KLF17: variants seen among roughly 807,000 people sequenced by gnomAD.
KLF17 encodes KLF transcription factor 17, also known as Krueppel-like factor 17.
A neutral mutation model predicts 34.2 loss-of-function variants in KLF17; 31 were observed. That is an observed-to-expected ratio of 0.91 (90% CI 0.68 to 1.22). KLF17 has a LOEUF of 1.22. Among genes scored for constraint, KLF17 ranks in the 50% most tolerant of loss-of-function variants. The pLI, the probability that KLF17 is intolerant of heterozygous loss-of-function variation, is 0.00. For synonymous variants in KLF17, 179 were observed against 186.7 expected, an observed-to-expected ratio of 0.96 and a Z score of 0.34; for missense variants, 478 against 505.2, an observed-to-expected ratio of 0.95 and a Z score of 0.52.
At chr1:44,065,633 C>G in the KLF17 span, among the ~76,000 whole-genome samples, 1 of 152,144 alleles carries the variant, frequency 6.6e-6, no homozygotes, top group Non-Finnish European at 1.5e-5. Flanking sequence ...TGGTCTCGAA[C>G]TTGTGGTCTC....
At chr1:44,046,570 CATCTA>C in the KLF17 span, among the ~76,000 whole-genome samples, 1 of 151,120 alleles carries the variant, frequency 6.6e-6, no homozygotes, top group Non-Finnish European at 1.5e-5. Flanking sequence ...CACACACACT[CATCTA>C]ATCTTCACAA....
At chr1:44,050,953 A>G in the KLF17 span, 1 of 151,866 alleles carries the variant, frequency 6.6e-6, no homozygotes, top group Non-Finnish European at 1.5e-5. Flanking sequence ...CCACCAGCTC[A>G]CTCTTCAATT....
At chr1:44,068,684 A>T in the KLF17 span, among the ~76,000 whole-genome samples, 2 of 152,176 alleles carry the variant, frequency 1.3e-5, no homozygotes, top group Non-Finnish European at 2.9e-5. Flanking sequence ...CCCTCACAGG[A>T]AGCTTTAACC....
the KLF17 span, among the ~76,000 whole-genome samples, chr1:44,070,531 A>T: frequency 7.9e-6 from 1 of 126,816 alleles, no homozygotes; most frequent in Non-Finnish European, 1.7e-5. Context: ...TGATTTCGTT[A>T]TTTTTTATGG....
the KLF17 span, among the ~76,000 whole-genome samples, chr1:44,101,918 G>A: frequency 6.6e-6 from 1 of 152,124 alleles, no homozygotes; most frequent in East Asian, 1.9e-4. Flanking sequence ...GCCAGGCATG[G>A]TGGCATGCAC....
At chr1:44,053,563 A>T in the KLF17 span, among the ~76,000 whole-genome samples, 2 of 152,136 alleles carry the variant, frequency 1.3e-5, no homozygotes, top group African/African-American at 2.4e-5. Context: ...CTACTGCCGG[A>T]GGAAGTAAAC....
upstream of KLF17, chr1:44,114,672 G>A (rs1303149595): frequency 6.6e-6 from 1 of 152,170 alleles, no homozygotes; most frequent in Non-Finnish European, 1.5e-5. Flanking sequence ...TCCACATGCA[G>A]GCTAGAAGGG....
chr1:44,088,784 A>G, the KLF17 span, among the ~76,000 whole-genome samples: 1 of 152,164 alleles, frequency 6.6e-6, no homozygotes, highest in Non-Finnish European at 1.5e-5. Context: ...AGATGAATGC[A>G]CTGTAGGTAA....
the KLF17 span, among the ~76,000 whole-genome samples, chr1:44,077,376 A>G: frequency 6.6e-6 from 1 of 152,144 alleles, no homozygotes; most frequent in African/African-American, 2.4e-5. Flanking sequence ...AAAGAAAAAA[A>G]TGGATTTGTA....
chr1:44,087,527 G>C, the KLF17 span, among the ~76,000 whole-genome samples: 1 of 151,288 alleles, frequency 6.6e-6, no homozygotes, highest in African/African-American at 2.4e-5. Context: ...GCCTCCCAAA[G>C]TGCTGGGATT....
the KLF17 span, among the ~76,000 whole-genome samples, chr1:44,067,361 T>C: frequency 6.6e-6 from 1 of 152,094 alleles, no homozygotes; most frequent in African/African-American, 2.4e-5. Context: ...TTTGAGACAA[T>C]GTATTGTGGT....
chr1:44,135,091 T>C lies in KLF17; in HGVS notation c.*1854T>C, dbSNP rs533000395. On this transcript the variant is annotated 3_prime_UTR_variant, in exon 4 of 4. Coordinates refer to ENST00000372299, the MANE Select transcript of KLF17 (RefSeq NM_173484.4). ...CTTAGGATAACTTGAGGCCAGGAGT[T>C]TGAGACCAGTGTGACCTTGTCTCTG... is the stretch of plus-strand genomic sequence containing the variant. 2.6e-5 allele frequency: 4 copies of C among 152,268 alleles called. No homozygotes were observed. The highest frequency in any genetic ancestry group is 9.6e-5 in the African/African-American group (4 of 41,552). 9.4% of individuals were successfully genotyped at this position (152,268 alleles called of 1,614,324 possible). A position where few individuals can be genotyped will look rare whatever the true frequency, so the allele number is the denominator to read the frequency against.
the KLF17 span, among the ~76,000 whole-genome samples, chr1:44,078,435 T>C: frequency 1.0e-5 from 1 of 96,882 alleles, no homozygotes; most frequent in African/African-American, 3.8e-5. Context: ...CTTTTCCTTC[T>C]TCTTTTTTTT....
the KLF17 span, chr1:44,075,059 A>C: frequency 2.0e-5 from 3 of 152,020 alleles, no homozygotes; most frequent in African/African-American, 7.2e-5. Flanking sequence ...TGAGAGGCTG[A>C]GGCAGGCAGA....
Position 44,129,455 on chromosome 1 carries a change from C to T in KLF17, c.184C>T (p.Pro62Ser), listed in dbSNP as rs1412280550. Reference protein sequence around the residue: ...NQGLPSIQHFPHSAEMLGSPL... With the variant: ...NQGLPSIQHFSHSAEMLGSPL... ...AGGCCTACCAAGCATTCAGCACTTT[C>T]CTCACAGCGCAGAGATGCTGGGGTC... The change falls in exon 2 of 4, where the codon CCT becomes TCT. Residue 62 changes from proline to serine, a missense_variant. Coordinates refer to ENST00000372299, the MANE Select transcript of KLF17 (RefSeq NM_173484.4). The T allele has an allele frequency of 1.9e-6, 3 of 1,605,720 alleles. No individual in the cohort carries two copies. Among genetic ancestry groups the T allele is most frequent in the South Asian group, 1.1e-5 (1 of 89,944 alleles).
the KLF17 span, chr1:44,104,158 T>C: frequency 3.1e-5 from 33 of 1,053,870 alleles, no homozygotes; most frequent in African/African-American, 3.7e-4. Context: ...TCTAACTTGT[T>C]CATGTAAGCT....
At chr1:44,088,040 G>A in the KLF17 span, 1 of 218,312 alleles carries the variant, frequency 4.6e-6, no homozygotes, top group Non-Finnish European at 9.8e-6. Flanking sequence ...CAATGGCACA[G>A]GAGAAGAGCT....
the KLF17 span, among the ~76,000 whole-genome samples, chr1:44,080,518 G>A: frequency 3.3e-3 from 496 of 152,226 alleles, 3 homozygotes; most frequent in Non-Finnish European, 4.5e-3. Flanking sequence ...GATTACAGGC[G>A]TGAGCCACAG....
chr1:44,098,096 A>G, the KLF17 span, among the ~76,000 whole-genome samples: 1 of 152,096 alleles, frequency 6.6e-6, no homozygotes, highest in Non-Finnish European at 1.5e-5. Flanking sequence ...CAGCCTCCTG[A>G]GTAGATAGGA....
Sources: allele counts gnomAD v4.1 joint callset (sites outside exome capture counted in the v4.1 genomes callset), GRCh38; gene constraint gnomAD v4.1.1; transcripts MANE v1.5; gene names NCBI Gene and HGNC (gene_info 2026-07-23, HGNC 2026-07-21).